The following LRIG2 variants were observed in gnomAD, a reference collection of about 807,000 sequenced individuals.
LRIG2 encodes leucine rich repeats and immunoglobulin like domains 2.
Under a neutral mutation model 107.8 loss-of-function variants are expected in LRIG2, and 93 were observed. The observed-to-expected ratio is 0.86, with a 90% CI of 0.73 to 1.03. The LOEUF is 1.03. LRIG2 is among the 50% of genes least tolerant of loss of function. The pLI, the probability that LRIG2 is intolerant of heterozygous loss-of-function variation, is 0.00. For missense variants in LRIG2, 1,226 were observed against 1,296.0 expected (o/e 0.95, Z 0.83); for synonymous variants, 471 against 470.6 (o/e 1.00, Z -0.01).
chr1:113,086,291 C>G (rs969068157), intron 1 of LRIG2, among the ~76,000 whole-genome samples: 3 of 152,090 alleles, frequency 2.0e-5, no homozygotes, highest in African/African-American at 7.2e-5. Flanking sequence ...AGGCATGAGC[C>G]ACTGTGCCCG....
chr1:113,110,140 A>G (rs989567755), intron 12 of LRIG2, 102 bp from the exon 13 acceptor site: 8 of 819,780 alleles, frequency 9.8e-6, no homozygotes, highest in Non-Finnish European at 1.5e-5. Flanking sequence ...TTAATATGCC[A>G]CTTTGTAAAC....
chr1:113,099,691 G>A (rs537999071), intron 9 of LRIG2, among the ~76,000 whole-genome samples: 1 of 152,196 alleles, frequency 6.6e-6, no homozygotes, highest in South Asian at 2.1e-4. Flanking sequence ...GTAATGTGTT[G>A]GTAATCTGTT....
At chr1:113,089,698 T>A (rs867646045) in intron 1 of LRIG2, among the ~76,000 whole-genome samples, 2 of 144,522 alleles carry the variant, frequency 1.4e-5, no homozygotes, top group African/African-American at 5.3e-5. Flanking sequence ...TTTTTTTTTT[T>A]GGAGACAGAG....
In LRIG2 at chr1:113,093,788, AAAAAT is replaced by A. The variant is rs1156942787; in HGVS notation, c.515+238_515+242del. 6.6e-5 allele frequency among the ~76,000 whole-genome samples: 10 copies of A among 152,234 alleles called. 1 individual carries two copies. Among genetic ancestry groups the A allele is most frequent in the South Asian group, 4.1e-4 (2 of 4,828 alleles). ...TAAAGTATAATAATAATAAATAAAT[AAAAAT>A]AAAATAAAATAAAGCACATGTTTAT... On this transcript the variant is annotated intron_variant, in intron 4 of 17. Transcript: ENST00000361127.
chr1:113,082,853 G>A (rs1653350436), intron 1 of LRIG2, among the ~76,000 whole-genome samples: 1 of 151,916 alleles, frequency 6.6e-6, no homozygotes, highest in African/African-American at 2.4e-5. Context: ...ATGGGGTTTT[G>A]CCATGTTGGC....
chr1:113,077,822 G>T (rs1177463550), intron 1 of LRIG2, among the ~76,000 whole-genome samples: 2 of 151,624 alleles, frequency 1.3e-5, no homozygotes, highest in Admixed American at 1.3e-4. Context: ...TGCCATGTTG[G>T]TGTGCTGCAC....
At chr1:113,094,590 T>C (rs1310399837) in intron 5 of LRIG2, 22 bp from the exon 6 acceptor site, 2 of 1,605,654 alleles carry the variant, frequency 1.2e-6, no homozygotes, top group Non-Finnish European at 1.7e-6. Flanking sequence ...ATTTCCTGAC[T>C]GTAAAACTAT....
Position 113,128,458 on chromosome 1 carries a change from TGAG to T in LRIG2, c.*4360_*4362del, listed in dbSNP as rs1280916075. Reference sequence around the variant, plus strand: ...AGGCTAGATTTTCTCATTTATGAAATGAGGACATTTTTCTAGATGCTGTAAAGC... The same window carrying T: ...AGGCTAGATTTTCTCATTTATGAAATGACATTTTTCTAGATGCTGTAAAGC... On this transcript the variant is annotated 3_prime_UTR_variant, in exon 18 of 18. Coordinates refer to ENST00000361127, the MANE Select transcript of LRIG2 (RefSeq NM_014813.3). 3 of 152,194 alleles carry T rather than the reference TGAG, an allele frequency of 2.0e-5. No individual in the cohort carries two copies. The highest frequency in any genetic ancestry group is 3.9e-4 in the East Asian group (2 of 5,190). The allele number at this position is 152,194 out of a possible 1,614,324, so 9.4% of individuals were successfully genotyped here.
chr1:113,081,242 C>T (rs981018621), intron 1 of LRIG2, among the ~76,000 whole-genome samples: 1 of 152,120 alleles, frequency 6.6e-6, no homozygotes, highest in Non-Finnish European at 1.5e-5. Context: ...AGTAATCTTT[C>T]ATTTTTTCCC....
intron 9 of LRIG2, among the ~76,000 whole-genome samples, chr1:113,099,349 A>G (rs938495808): frequency 7.0e-6 from 1 of 143,348 alleles, no homozygotes; most frequent in African/African-American, 2.6e-5. Flanking sequence ...GTGATCTCCC[A>G]CCTTGGCCTC....
chr1:113,108,287 G>A (rs375927454), intron 12 of LRIG2, among the ~76,000 whole-genome samples: 1 of 149,292 alleles, frequency 6.7e-6, no homozygotes. Context: ...GCAGTGGTGC[G>A]ATCTCAGCTC....
intron 1 of LRIG2, among the ~76,000 whole-genome samples, chr1:113,077,049 G>A (rs1181686196): frequency 6.6e-6 from 1 of 152,064 alleles, no homozygotes; most frequent in Non-Finnish European, 1.5e-5. Flanking sequence ...TGTATTTTTA[G>A]GGTTAAGGAC....
At chr1:113,092,660 T>G (rs1180156453) in intron 2 of LRIG2, among the ~76,000 whole-genome samples, 1 of 152,160 alleles carries the variant, frequency 6.6e-6, no homozygotes, top group Non-Finnish European at 1.5e-5. Flanking sequence ...TCATAACCTT[T>G]CTGATATTAA....
At chr1:113,099,754 A>C (rs910867584) in intron 9 of LRIG2, among the ~76,000 whole-genome samples, 4 of 152,194 alleles carry the variant, frequency 2.6e-5, no homozygotes, top group African/African-American at 9.7e-5. Context: ...TATCTAGCAG[A>C]AGTAGAGCAT....
rs1327665223 is a variant in LRIG2 at position 113,128,792 on chromosome 1, A to T, written c.*4691A>T. 6.6e-6 allele frequency: 1 copy of T among 152,230 alleles called. No individual in the cohort carries two copies. Among genetic ancestry groups the T allele is most frequent in the Non-Finnish European group, 1.5e-5 (1 of 68,046 alleles). The allele number at this position is 152,230 out of a possible 1,614,324, so 9.4% of individuals were successfully genotyped here. On this transcript the variant is annotated 3_prime_UTR_variant, in exon 18 of 18. Coordinates refer to ENST00000361127, the MANE Select transcript of LRIG2 (RefSeq NM_014813.3). ...GAATGCTGGTTTTATAGCACACTAG[A>T]ATATCAGAATGAGTTGACAGGTATA...
Position 113,128,172 on chromosome 1 carries a change from C to G in LRIG2, c.*4071C>G, listed in dbSNP as rs1027461887. 1 of 149,390 alleles carries G rather than the reference C, an allele frequency of 6.7e-6. No homozygotes were observed. The highest frequency in any genetic ancestry group is 2.4e-5 in the African/African-American group (1 of 41,058). The allele number at this position is 149,390 out of a possible 1,614,324, so 9.3% of individuals were successfully genotyped here. ...ATACTTATTTTCAATCCTAAGTGTT[C>G]TCCCATGGGCAGCAGCACTTCTTGA... On this transcript the variant is annotated 3_prime_UTR_variant, in exon 18 of 18. Coordinates refer to ENST00000361127, the MANE Select transcript of LRIG2 (RefSeq NM_014813.3).
chr1:113,104,138 T>A (rs1172388221), intron 11 of LRIG2, among the ~76,000 whole-genome samples: 1 of 152,236 alleles, frequency 6.6e-6, no homozygotes, highest in East Asian at 1.9e-4. Flanking sequence ...GACTGCATCC[T>A]GTAAGCTGTC....
At chr1:113,119,806 C>T (rs941926020) in intron 17 of LRIG2, among the ~76,000 whole-genome samples, 3 of 152,022 alleles carry the variant, frequency 2.0e-5, no homozygotes, top group Non-Finnish European at 2.9e-5. Context: ...AGGTTTCATA[C>T]AGGCTATTTA....
chr1:113,084,125 A>G (rs551888182), intron 1 of LRIG2, among the ~76,000 whole-genome samples: 1 of 150,676 alleles, frequency 6.6e-6, no homozygotes, highest in Non-Finnish European at 1.5e-5. Context: ...TAGTGAGGCT[A>G]ATGTGCAGCC....
Sources: allele counts gnomAD v4.1 joint callset (sites outside exome capture counted in the v4.1 genomes callset), GRCh38; gene constraint gnomAD v4.1.1; transcripts MANE v1.5; gene names NCBI Gene and HGNC (gene_info 2026-07-23, HGNC 2026-07-21).